The following PTPDC1 variants were observed in gnomAD, a reference collection of about 807,000 sequenced individuals.
PTPDC1 encodes protein tyrosine phosphatase domain-containing protein 1.
Under a neutral mutation model 75.3 loss-of-function variants are expected in PTPDC1, and 53 were observed. The ratio of observed to expected loss-of-function variants is 0.70; its 90% CI spans 0.56 to 0.88. The LOEUF is 0.88. PTPDC1 is among the 40% of genes least tolerant of loss of function. The pLI is 0.00. For synonymous variants in PTPDC1, 349 were observed against 366.2 expected (o/e 0.95, Z 0.54); for missense variants, 925 against 998.6 (o/e 0.93, Z 0.99).
At chr9:94,105,870 G>A (rs1306320474) in intron 8 of PTPDC1, among the ~76,000 whole-genome samples, 2 of 151,848 alleles carry the variant, frequency 1.3e-5, no homozygotes, top group Non-Finnish European at 2.9e-5. Flanking sequence ...CTACTCGGGA[G>A]GCTGAGGCAG....
chr9:94,104,637 A>G (rs1243508898), intron 8 of PTPDC1, among the ~76,000 whole-genome samples: 1 of 152,238 alleles, frequency 6.6e-6, no homozygotes, highest in East Asian at 1.9e-4. Context: ...AAGAGCTTTT[A>G]TATAAAAGAA....
chr9:94,092,583 G>C (rs139872222), intron 4 of PTPDC1, among the ~76,000 whole-genome samples: 6,815 of 152,068 alleles, frequency 0.045, 525 homozygotes, highest in African/African-American at 0.16. Flanking sequence ...GGAGAGTTCT[G>C]TAGATGTCTA....
At chr9:94,093,235 T>C (rs1827397777) in intron 4 of PTPDC1, among the ~76,000 whole-genome samples, 1 of 151,434 alleles carries the variant, frequency 6.6e-6, no homozygotes, top group Non-Finnish European at 1.5e-5. Flanking sequence ...GTTGTTCCTT[T>C]CCATGTTTAG....
At chr9:94,075,274 G>C (rs1324250748) in intron 2 of PTPDC1, among the ~76,000 whole-genome samples, 2 of 152,132 alleles carry the variant, frequency 1.3e-5, no homozygotes, top group Admixed American at 1.3e-4. Context: ...AGCACCACAT[G>C]GTCCTTCTAG....
At chr9:94,076,578 T>C (rs922096588) in intron 2 of PTPDC1, among the ~76,000 whole-genome samples, 2 of 152,118 alleles carry the variant, frequency 1.3e-5, no homozygotes, top group Non-Finnish European at 2.9e-5. Flanking sequence ...ATCTACACAT[T>C]CCATTTATCC....
chr9:94,082,099 A>G (rs1293512043), upstream of PTPDC1, among the ~76,000 whole-genome samples: 1 of 152,220 alleles, frequency 6.6e-6, no homozygotes, highest in African/African-American at 2.4e-5. Flanking sequence ...CAACAAAGTG[A>G]GATTCCCATC....
intron 6 of PTPDC1, chr9:94,101,286 A>G (rs1322192805): frequency 1.4e-5 from 4 of 286,248 alleles, no homozygotes; most frequent in East Asian, 5.9e-5. Context: ...TCCCTGTGCT[A>G]TAAGCTTTAA....
chr9:94,069,253 C>A (rs1760813182), intron 2 of PTPDC1, among the ~76,000 whole-genome samples: 1 of 152,184 alleles, frequency 6.6e-6, no homozygotes, highest in African/African-American at 2.4e-5. Context: ...GTCATCCCTC[C>A]TTGTACACAG....
At chr9:94,037,753 A>G (rs1564006665) in intron 1 of PTPDC1, among the ~76,000 whole-genome samples, 1 of 152,058 alleles carries the variant, frequency 6.6e-6, no homozygotes, top group East Asian at 1.9e-4. Flanking sequence ...TTCCTGCCCC[A>G]TTCCCGTCCC....
At chr9:94,079,192 G>A (rs1826796143) in intron 2 of PTPDC1, among the ~76,000 whole-genome samples, 1 of 152,116 alleles carries the variant, frequency 6.6e-6, no homozygotes, top group East Asian at 1.9e-4. Flanking sequence ...TCTTAGTGAT[G>A]GACTAGTCTT....
chr9:94,046,504 A>G (rs926237609), intron 1 of PTPDC1, among the ~76,000 whole-genome samples: 9 of 152,126 alleles, frequency 5.9e-5, no homozygotes, highest in East Asian at 3.9e-4. Context: ...ATTTGTTTGT[A>G]TCCTCTTTTA....
upstream of PTPDC1, among the ~76,000 whole-genome samples, chr9:94,081,030 C>G (rs1267759123): frequency 1.4e-5 from 2 of 140,334 alleles, no homozygotes; most frequent in Non-Finnish European, 3.0e-5. Flanking sequence ...CGCTCTGTCA[C>G]CCAGACTAGA....
At chr9:94,060,999 A>G (rs1177226832) in intron 1 of PTPDC1, among the ~76,000 whole-genome samples, 2 of 152,150 alleles carry the variant, frequency 1.3e-5, no homozygotes, top group Admixed American at 1.3e-4. Flanking sequence ...TCATTCCAGC[A>G]CTAACTCAAA....
chr9:94,035,489 C>T (rs1429854232), intron 1 of PTPDC1, among the ~76,000 whole-genome samples: 4 of 152,274 alleles, frequency 2.6e-5, no homozygotes, highest in Middle Eastern at 3.4e-3. Context: ...ATTCCATCCA[C>T]GTTGTGGCAA....
intron 2 of PTPDC1, among the ~76,000 whole-genome samples, chr9:94,078,645 G>A (rs1826773657): frequency 6.6e-6 from 1 of 152,128 alleles, no homozygotes; most frequent in Non-Finnish European, 1.5e-5. Context: ...ATTTCTGTGA[G>A]GCTTTGTTCA....
intron 2 of PTPDC1, among the ~76,000 whole-genome samples, chr9:94,078,189 C>T (rs932420107): frequency 1.3e-5 from 2 of 152,214 alleles, no homozygotes; most frequent in Non-Finnish European, 2.9e-5. Context: ...ATATTTCTTA[C>T]ACGCTAAGTC....
Position 94,084,647 on chromosome 9 carries a change from G to T in PTPDC1, c.117G>T (p.Arg39=). 6.2e-7 allele frequency: 1 copy of T among 1,613,414 alleles called. No homozygotes were observed. Among genetic ancestry groups the T allele is most frequent in the Non-Finnish European group, 8.5e-7 (1 of 1,179,760 alleles). The change falls in exon 1 of 9, where the codon CGG becomes CGT. Residue 39 remains arginine (R), a synonymous_variant. Coordinates refer to ENST00000620992, the MANE Select transcript of PTPDC1 (RefSeq NM_001253829.2). The part of the protein sequence containing the change: ...DPVLRLQQAR[R]GSGLGSGSAT... ...TACTGCGGCTGCAGCAGGCCCGGCG[G>T]GGCTCTGGCTTGGGCTCCGGCTCTG...
intron 1 of PTPDC1, chr9:94,064,715 A>G (rs1826243947): frequency 1.3e-6 from 2 of 1,598,110 alleles, no homozygotes; most frequent in Non-Finnish European, 1.7e-6. Context: ...CTTTCAAAAA[A>G]TAATTTTTTT....
At chr9:94,032,276 G>T (rs567028537) in intron 1 of PTPDC1, among the ~76,000 whole-genome samples, 1 of 152,314 alleles carries the variant, frequency 6.6e-6, no homozygotes, top group South Asian at 2.1e-4. Context: ...CTCCAGAAAT[G>T]AGGATTCAGT....
Sources: gnomAD v4.1 joint callset for allele counts (sites outside exome capture counted in the v4.1 genomes callset) on GRCh38, gnomAD v4.1.1 for gene constraint, MANE v1.5 for transcripts, NCBI Gene and HGNC (gene_info 2026-07-23, HGNC 2026-07-21) for gene names.